ERMP1: variants seen among roughly 807,000 people sequenced by gnomAD.
ERMP1 encodes endoplasmic reticulum metallopeptidase 1.
In ERMP1, 86 loss-of-function variants were observed where a neutral mutation model predicts 92.0. The ratio of observed to expected loss-of-function variants is 0.93; its 90% CI spans 0.79 to 1.12. ERMP1 has a LOEUF of 1.12. Ranked by LOEUF, ERMP1 falls within the 50% of genes most tolerant of loss-of-function variation. The pLI is 0.00. For missense variants in ERMP1, 1,342 were observed against 1,116.3 expected (o/e 1.20, Z -2.88); for synonymous variants, 530 against 412.8 (o/e 1.28, Z -3.44).
At chr9:5,813,497 T>G (rs1829187089) in intron 4 of ERMP1, among the ~76,000 whole-genome samples, 1 of 152,154 alleles carries the variant, frequency 6.6e-6, no homozygotes, top group African/African-American at 2.4e-5. Flanking sequence ...TCAGAAGTAT[T>G]TTGGATTTTT....
At chr9:5,801,070 T>C (rs989714126) in intron 11 of ERMP1, 106 bp downstream of exon 11, 9 of 1,190,364 alleles carry the variant, frequency 7.6e-6, no homozygotes, top group African/African-American at 6.2e-5. Context: ...TATGACTAAA[T>C]AGGTCAACAG....
chr9:5,786,871 A>C lies in ERMP1; in HGVS notation c.*273T>G, dbSNP rs994519564. 14 of 263,666 alleles carry C rather than the reference A, an allele frequency of 5.3e-5. No individual in the cohort carries two copies. The highest frequency in any genetic ancestry group is 2.7e-4 in the African/African-American group (12 of 45,240). 16.3% of individuals were successfully genotyped at this position (263,666 alleles called of 1,614,324 possible). On this transcript the variant is annotated 3_prime_UTR_variant, in exon 15 of 15. Coordinates refer to ENST00000339450, the MANE Select transcript of ERMP1 (RefSeq NM_024896.3). ...AAGTGGATTGTTGGCTTTGTCCTTA[A>C]GGTCATATAAAATGACGTGTGTGTA... is the stretch of plus-strand genomic sequence containing the variant.
intron 13 of ERMP1, among the ~76,000 whole-genome samples, chr9:5,794,983 A>T (rs749528398): frequency 6.6e-6 from 1 of 152,232 alleles, no homozygotes; most frequent in African/African-American, 2.4e-5. Context: ...ATGAACATAG[A>T]TGCAAAAATC....
At chr9:5,817,170 T>C (rs1829344131) in intron 4 of ERMP1, among the ~76,000 whole-genome samples, 2 of 151,902 alleles carry the variant, frequency 1.3e-5, no homozygotes, top group African/African-American at 4.8e-5. Context: ...AGTGCTGGGA[T>C]TACAGGCATG....
At chr9:5,855,123 G>A (rs1219911773) in intron 6 of ERMP1, among the ~76,000 whole-genome samples, 5 of 152,142 alleles carry the variant, frequency 3.3e-5, no homozygotes, top group Admixed American at 6.5e-5. Flanking sequence ...GTAATTATCT[G>A]TATTATTTAA....
chr9:5,847,574 C>T (rs1268448198), intron 6 of ERMP1, among the ~76,000 whole-genome samples: 1 of 151,048 alleles, frequency 6.6e-6, no homozygotes, highest in East Asian at 2.0e-4. Context: ...CAATTTTGTT[C>T]CTTCTCTTAG....
At chr9:5,831,767 TTTTGATGGACCTAGCCCTCCTAGC>T (rs1829949379) in intron 1 of ERMP1, among the ~76,000 whole-genome samples, 1 of 152,136 alleles carries the variant, frequency 6.6e-6, no homozygotes, top group South Asian at 2.1e-4. Context: ...CGGGGGAAAC[TTTTGATGGACCTAGCCCTCCTAGC>T]ATACACCCAA....
At chr9:5,810,892 C>T (rs1040372755) in intron 7 of ERMP1, among the ~76,000 whole-genome samples, 1 of 152,096 alleles carries the variant, frequency 6.6e-6, no homozygotes, top group Non-Finnish European at 1.5e-5. Flanking sequence ...CTATGTGGTA[C>T]TTTTATGGAG....
intron 2 of ERMP1, among the ~76,000 whole-genome samples, chr9:5,829,076 G>A (rs1005591082): frequency 6.6e-6 from 1 of 151,742 alleles, no homozygotes; most frequent in African/African-American, 2.4e-5. Context: ...AAACCCTGTC[G>A]CTGCCAAAAA....
chr9:5,837,532 A>G (rs1830108526), upstream of ERMP1, among the ~76,000 whole-genome samples: 1 of 152,222 alleles, frequency 6.6e-6, no homozygotes, highest in Admixed American at 6.5e-5. Context: ...ACACAAAATT[A>G]AAAACTTCTA....
At chr9:5,829,435 A>G (rs1405629591) in intron 2 of ERMP1, among the ~76,000 whole-genome samples, 5 of 152,218 alleles carry the variant, frequency 3.3e-5, no homozygotes, top group African/African-American at 1.2e-4. Context: ...CTAGACGTTC[A>G]AATTTGGCCT....
At chr9:5,812,653 A>C in intron 5 of ERMP1, 1 of 552,752 alleles carries the variant, frequency 1.8e-6, no homozygotes, top group Non-Finnish European at 3.2e-6. Flanking sequence ...TGAGGTGCTA[A>C]ACAGTTCACC....
chr9:5,791,962 G>A (rs1299888573), intron 13 of ERMP1, among the ~76,000 whole-genome samples: 1 of 152,180 alleles, frequency 6.6e-6, no homozygotes. Context: ...GTGGGAGGAT[G>A]GCAGTTGCTC....
rs1830024782 is a variant in ERMP1, at chr9:5,833,055, C to G, written c.-28G>C. 1 of 1,428,928 alleles carries G rather than the reference C, an allele frequency of 7.0e-7. No homozygotes were observed. Among genetic ancestry groups the G allele is most frequent in the Non-Finnish European group, 9.1e-7 (1 of 1,101,532 alleles). The allele number at this position is 1,428,928 out of a possible 1,614,324, so 88.5% of individuals were successfully genotyped here. A position where few individuals can be genotyped will look rare whatever the true frequency, so the allele number is the denominator to read the frequency against. ...CCACGAGCCTCAGCTGCCAGCCCAA[C>G]CGCCCCAACCCGCGACAGCCCCGGC... On this transcript the variant is annotated 5_prime_UTR_variant, in exon 1 of 15. Transcript: ENST00000339450.
chr9:5,798,065 C>G lies in ERMP1; in HGVS notation c.2271-133G>C, dbSNP rs567419738. 2.0e-5 allele frequency: 13 copies of G among 664,546 alleles called. No homozygotes were observed. The Admixed American group carries it at 2.4e-4, about 12-fold the overall frequency. The allele number at this position is 664,546 out of a possible 1,614,324, so 41.2% of individuals were successfully genotyped here. On this transcript the variant is annotated intron_variant, in intron 12 of 14. Coordinates refer to ENST00000339450, the MANE Select transcript of ERMP1 (RefSeq NM_024896.3). ...AACTGACAGACATGATAAGCAATGC[C>G]AACTCCAACAAATTTAGGTTATTTT... is the stretch of plus-strand genomic sequence containing the variant.
Position 5,825,221 on chromosome 9 carries a change from T to A in ERMP1, c.641-2A>T. ...AGCTAACTGCATCATCACTGGCACC[T>A]TCAAATCAGAAAAACAAATTTGCTG... On this transcript the variant is annotated splice_acceptor_variant, in intron 2 of 14. Transcript: ENST00000339450. LOFTEE classifies it high-confidence loss of function. The A allele has an allele frequency of 1.2e-6, 2 of 1,605,442 alleles. No homozygotes were observed. The highest frequency in any genetic ancestry group is 1.7e-6 in the Non-Finnish European group (2 of 1,177,736).
chr9:5,805,117 A>C lies in ERMP1; in HGVS notation c.1824T>G (p.Pro608=). 6.2e-7 allele frequency: 1 copy of C among 1,613,766 alleles called. No individual in the cohort carries two copies. Among genetic ancestry groups the C allele is most frequent in the Non-Finnish European group, 8.5e-7 (1 of 1,179,816 alleles). Reference sequence around the variant, plus strand: ...TTTCAGAACCACTTCTCCCGAGGATAGGGGTAAACATCTCAAATACTGCCC... The same window carrying C: ...TTTCAGAACCACTTCTCCCGAGGATCGGGGTAAACATCTCAAATACTGCCC... ...LIWAVFEMFT[P]ILGRSGSEIP... Residue 608 remains proline, a synonymous_variant, in exon 10 of 15, where the codon CCT becomes CCG. Transcript: ENST00000339450.
chr9:5,797,064 A>AG (rs35261526), intron 13 of ERMP1, among the ~76,000 whole-genome samples: 43,744 of 151,874 alleles, frequency 0.29, 7,188 homozygotes, highest in East Asian at 0.59. Flanking sequence ...TTTTTGAGAC[A>AG]GGGTCTTGCT....
intron 2 of ERMP1, among the ~76,000 whole-genome samples, chr9:5,829,710 A>G (rs751312719): frequency 6.6e-6 from 1 of 152,178 alleles, no homozygotes; most frequent in South Asian, 2.1e-4. Flanking sequence ...TGGCCAGGAA[A>G]TCCAGCATCT....
Sources: allele counts gnomAD v4.1 joint callset (sites outside exome capture counted in the v4.1 genomes callset), GRCh38; gene constraint gnomAD v4.1.1; transcripts MANE v1.5; gene names NCBI Gene and HGNC (gene_info 2026-07-23, HGNC 2026-07-21).